CAPN2: variants seen among roughly 807,000 people sequenced by gnomAD.
CAPN2 encodes the protein calpain 2, also known as calpain-2 catalytic subunit.
A neutral mutation model predicts 102.3 loss-of-function variants in CAPN2; 92 were observed. The observed-to-expected ratio is 0.90, with a 90% CI of 0.76 to 1.07. CAPN2 has a LOEUF of 1.07. Among genes scored for constraint, CAPN2 ranks in the 50% least tolerant of loss-of-function variants. CAPN2 has a pLI of 0.00. For missense variants in CAPN2, 800 were observed against 909.4 expected (o/e 0.88, Z 1.55); for synonymous variants, 340 against 355.4 (o/e 0.96, Z 0.49).
At chr1:223,713,466 T>A (rs1368535303) in intron 1 of CAPN2, among the ~76,000 whole-genome samples, 1 of 149,524 alleles carries the variant, frequency 6.7e-6, no homozygotes, top group African/African-American at 2.5e-5. Flanking sequence ...GACACGGAGG[T>A]GTCTCATGGT....
intron 2 of CAPN2, among the ~76,000 whole-genome samples, chr1:223,740,693 C>G (rs1438425200): frequency 6.6e-6 from 1 of 152,200 alleles, no homozygotes; most frequent in Non-Finnish European, 1.5e-5. Flanking sequence ...ACATTGATTT[C>G]TTTATCATGG....
At position 223,771,879 on chromosome 1, in the gene CAPN2, T is replaced by C. The variant is rs1462291554; in HGVS notation, c.1974T>C (p.Asp658=). 4.3e-6 allele frequency: 7 copies of C among 1,614,006 alleles called. No individual in the cohort carries two copies. Among genetic ancestry groups the C allele is most frequent in the Admixed American group, 3.3e-5 (2 of 60,008 alleles). The stretch of plus-strand genomic sequence containing the variant: ...TTGCAGATGACCAGCTCATCATCGA[T>C]TTTGATAATTTTGTTCGGTGTTTGG... ...ARFADDQLII[D]FDNFVRCLVR... Residue 658 remains aspartate, a synonymous_variant, in exon 19 of 21, where the codon GAT becomes GAC. Coordinates refer to ENST00000295006, the MANE Select transcript of CAPN2 (RefSeq NM_001748.5).
chr1:223,710,614 A>T (rs1224642748), upstream of CAPN2, among the ~76,000 whole-genome samples: 3 of 152,120 alleles, frequency 2.0e-5, no homozygotes, highest in Admixed American at 2.0e-4. Flanking sequence ...TAGGTCTGAT[A>T]AGAAACATTT....
Position 223,744,130 on chromosome 1 carries a change from C to G in CAPN2, c.338C>G (p.Ser113Cys), listed in dbSNP as rs1244330081. The stretch of plus-strand genomic sequence containing the variant: ...TGCTGGCTGCTGGCAGCCATTGCCT[C>G]CCTCACCTTGAATGAAGAAATCCTG... ...GDCWLLAAIA[S>C]LTLNEEILAR... The change falls in exon 3 of 21, where the codon TCC (serine) becomes TGC (cysteine). Residue 113 changes from serine to cysteine, a missense_variant. Coordinates refer to ENST00000295006, the MANE Select transcript of CAPN2 (RefSeq NM_001748.5). The G allele has an allele frequency of 6.2e-7, 1 of 1,614,084 alleles. No individual in the cohort carries two copies. Among genetic ancestry groups the G allele is most frequent in the Non-Finnish European group, 8.5e-7 (1 of 1,179,922 alleles).
chr1:223,755,639 G>A lies in CAPN2; in HGVS notation c.1295G>A (p.Gly432Asp). 6.3e-7 allele frequency: 1 copy of A among 1,596,732 alleles called. No homozygotes were observed. The highest frequency in any genetic ancestry group is 8.5e-7 in the Non-Finnish European group (1 of 1,171,924). The change falls in exon 10 of 21, where the codon GGC (glycine) becomes GAC (aspartate). Residue 432 changes from glycine (G) to aspartate (D), a missense_variant. Physicochemically the swap from Gly to Asp is moderately conservative, Grantham distance 94. Transcript: ENST00000295006. The surrounding 1 kb of genome is among the most constrained non-coding windows in gnomAD (Gnocchi z 4.1). The stretch of plus-strand genomic sequence containing the variant: ...GAGGACATGCACACCATCGGCTTTG[G>A]CATCTATGAGGTGCAGAGCGCAGGG... ...MGEDMHTIGF[G>D]IYEVPEELSG...
chr1:223,767,403 T>C lies in CAPN2; in HGVS notation c.1755+972T>C, dbSNP rs1338793051. Among the ~76,000 whole-genome samples the C allele has an allele frequency of 1.9e-4, 25 of 134,118 alleles. No individual in the cohort carries two copies. In the Admixed American group the frequency reaches 1.9e-3, roughly 10 times the overall value. 88.0% of individuals were successfully genotyped at this position (134,118 alleles called of 152,430 possible). On this transcript the variant is annotated intron_variant, in intron 16 of 20. Coordinates refer to ENST00000295006, the MANE Select transcript of CAPN2 (RefSeq NM_001748.5). ...CCCTTCCTGTGTCCATGTGTTCTCA[T>C]TGTTCAATTCCCACCTATGAGTGAG...
chr1:223,770,175 T>A (rs1661436050), intron 17 of CAPN2: 2 of 573,320 alleles, frequency 3.5e-6, no homozygotes. Flanking sequence ...CTGAAAAGGG[T>A]TTTTGACAGC....
chr1:223,716,163 G>A (rs1486334874), intron 1 of CAPN2, among the ~76,000 whole-genome samples: 1 of 152,202 alleles, frequency 6.6e-6, no homozygotes, highest in Non-Finnish European at 1.5e-5. Context: ...TACATGCCGT[G>A]CACAAGTTTC....
At chr1:223,711,354 A>T (rs1297548235), upstream of CAPN2, among the ~76,000 whole-genome samples, 1 of 152,172 alleles carries the variant, frequency 6.6e-6, no homozygotes, top group Non-Finnish European at 1.5e-5. Context: ...GATGAGAATC[A>T]CACCCTAGCT....
At chr1:223,714,621 TAAAAAAAA>T (rs373544472) in intron 1 of CAPN2, among the ~76,000 whole-genome samples, 1 of 130,970 alleles carries the variant, frequency 7.6e-6, no homozygotes, top group African/African-American at 2.9e-5. Flanking sequence ...TATAAAAAAG[TAAAAAAAA>T]AAAAAAAAAA....
intron 1 of CAPN2, among the ~76,000 whole-genome samples, chr1:223,714,426 CTGTT>C (rs775871730): frequency 6.6e-6 from 1 of 152,026 alleles, no homozygotes; most frequent in South Asian, 2.1e-4. Flanking sequence ...AAAGAAGTGA[CTGTT>C]TGTAGAATAT....
At chr1:223,761,338 T>A (rs1424965915) in intron 12 of CAPN2, among the ~76,000 whole-genome samples, 1 of 152,202 alleles carries the variant, frequency 6.6e-6, no homozygotes, top group Admixed American at 6.5e-5. Flanking sequence ...GGATGTGTTA[T>A]CACAGAAACT....
chr1:223,749,076 A>G lies in CAPN2; in HGVS notation c.767A>G (p.Gln256Arg), dbSNP rs1660822355. 1.2e-6 allele frequency: 2 copies of G among 1,614,144 alleles called. No individual in the cohort carries two copies. Among genetic ancestry groups the G allele is most frequent in the African/African-American group, 2.7e-5 (2 of 75,060 alleles). The change falls in exon 6 of 21, where the codon CAG (glutamine) becomes CGG (arginine). Residue 256 changes from glutamine to arginine, a missense_variant. Gln to Arg is a conservative substitution (Grantham distance 43). Transcript: ENST00000295006. Reference sequence around the variant, plus strand: ...GCGGACTCGGAGGCCATCACGTTTCAGAAGCTGGTGAAGGGGCACGCGTAC... The same window carrying G: ...GCGGACTCGGAGGCCATCACGTTTCGGAAGCTGGTGAAGGGGCACGCGTAC... ...SAADSEAITFQKLVKGHAYSV... is the reference protein window; with the variant it reads ...SAADSEAITFRKLVKGHAYSV...
intron 5 of CAPN2, 43 bp from the exon 6 acceptor site, chr1:223,748,996 G>A (rs777541809): frequency 5.1e-6 from 8 of 1,557,250 alleles, no homozygotes; most frequent in Non-Finnish European, 8.9e-7. Flanking sequence ...CCGGGAGGAA[G>A]GGAGAGCGGG....
At chr1:223,751,129 C>T (rs539406674) in intron 7 of CAPN2, among the ~76,000 whole-genome samples, 154 bp downstream of exon 7, 42 of 152,250 alleles carry the variant, frequency 2.8e-4, no homozygotes, top group Admixed American at 7.2e-4. Flanking sequence ...GACAGGGGCC[C>T]CTCAAAGGGT....
intron 5 of CAPN2, 97 bp downstream of exon 5, chr1:223,747,262 C>T (rs751673467): frequency 2.8e-4 from 346 of 1,218,690 alleles, no homozygotes; most frequent in Non-Finnish European, 3.8e-4. Context: ...CTGTGTACAA[C>T]GTAATGCAGC....
Position 223,759,082 on chromosome 1 carries a change from GT to G in CAPN2, c.1318-186del. On this transcript the variant is annotated intron_variant, in intron 11 of 20. Transcript: ENST00000295006. The surrounding 1 kb of genome is among the most constrained non-coding windows in gnomAD (Gnocchi z 4.6). Reference sequence around the variant, plus strand: ...TTGTTGTTTTGTTGTTGTTGTCGTCGTTATATAGATGAGGGCTTCCTGTGTT... The same window carrying G: ...TTGTTGTTTTGTTGTTGTTGTCGTCGTATATAGATGAGGGCTTCCTGTGTT... 1.6e-6 allele frequency: 1 copy of G among 616,262 alleles called. No homozygotes were observed. Among genetic ancestry groups the G allele is most frequent in the South Asian group, 2.0e-5 (1 of 51,066 alleles). The allele number at this position is 616,262 out of a possible 1,614,324, so 38.2% of individuals were successfully genotyped here. A position where few individuals can be genotyped will look rare whatever the true frequency, so the allele number is the denominator to read the frequency against.
At chr1:223,720,735 A>G (rs1660029822) in intron 2 of CAPN2, among the ~76,000 whole-genome samples, 1 of 152,136 alleles carries the variant, frequency 6.6e-6, no homozygotes, top group African/African-American at 2.4e-5. Flanking sequence ...TCCCAAATCT[A>G]AAGTAAATAT....
upstream of CAPN2, chr1:223,712,356 T>C (rs1659750660): frequency 2.6e-6 from 2 of 768,278 alleles, no homozygotes; most frequent in Non-Finnish European, 3.2e-6. Flanking sequence ...GGCCGCGCCA[T>C]CCCGGGAGCT....
Sources: allele counts gnomAD v4.1 joint callset (sites outside exome capture counted in the v4.1 genomes callset), GRCh38; gene constraint gnomAD v4.1.1; non-coding constraint Gnocchi (gnomAD v3.1); transcripts MANE v1.5; gene names NCBI Gene and HGNC (gene_info 2026-07-23, HGNC 2026-07-21).